Variants in VPS13D observed in about 807,000 individuals in gnomAD.
VPS13D encodes intermembrane lipid transfer protein VPS13D.
VPS13D carries 187 observed loss-of-function variants against 461.9 expected under a neutral mutation model. That is an observed-to-expected ratio of 0.40 (90% CI 0.36 to 0.46). VPS13D has a LOEUF of 0.46. Among genes scored for constraint, VPS13D ranks in the 20% least tolerant of loss-of-function variants. The pLI is 0.60. For synonymous variants in VPS13D, 1,951 were observed against 1,986.3 expected (o/e 0.98, Z 0.47); for missense variants, 4,711 against 5,364.9 (o/e 0.88, Z 3.81).
At chr1:12,414,037 A>G (rs528815414) in intron 63 of VPS13D, among the ~76,000 whole-genome samples, 1 of 152,336 alleles carries the variant, frequency 6.6e-6, no homozygotes, top group Admixed American at 6.5e-5. Flanking sequence ...TAATCGCAGC[A>G]CTTTGGGATG....
At chr1:12,345,605 C>T in intron 43 of VPS13D, 96 bp downstream of exon 43, 1 of 1,481,200 alleles carries the variant, frequency 6.8e-7, no homozygotes, top group Non-Finnish European at 9.1e-7. Flanking sequence ...CTTTCTTGTT[C>T]TTTCTTTCCC....
At chr1:12,474,285 G>A (rs928606298) in intron 67 of VPS13D, among the ~76,000 whole-genome samples, 5 of 152,096 alleles carry the variant, frequency 3.3e-5, no homozygotes, top group African/African-American at 1.2e-4. Context: ...AAAGCATTAC[G>A]TGGTTTGGAA....
At chr1:12,371,737 C>T (rs1435489470) in intron 54 of VPS13D, among the ~76,000 whole-genome samples, 1 of 152,058 alleles carries the variant, frequency 6.6e-6, no homozygotes. Context: ...TGGCTGAATA[C>T]TATGCTGTAT....
chr1:12,375,746 C>T (rs1238500060), intron 55 of VPS13D, among the ~76,000 whole-genome samples: 1 of 152,220 alleles, frequency 6.6e-6, no homozygotes, highest in Non-Finnish European at 1.5e-5. Flanking sequence ...CCTCCCCAAC[C>T]TCCCAACTTG....
chr1:12,233,575 A>G (rs1436267062), intron 1 of VPS13D, among the ~76,000 whole-genome samples: 1 of 152,228 alleles, frequency 6.6e-6, no homozygotes, highest in Admixed American at 6.5e-5. Flanking sequence ...TCCCAAGGTA[A>G]ATCAACATAA....
At chr1:12,318,529 A>C (rs1440868650) in intron 31 of VPS13D, among the ~76,000 whole-genome samples, 192 bp downstream of exon 31, 1 of 151,988 alleles carries the variant, frequency 6.6e-6, no homozygotes, top group Non-Finnish European at 1.5e-5. Context: ...CCCACTGAAG[A>C]CTGCGGGGTC....
At chr1:12,255,154 C>A (rs886444216) in intron 7 of VPS13D, among the ~76,000 whole-genome samples, 1 of 152,096 alleles carries the variant, frequency 6.6e-6, no homozygotes, top group African/African-American at 2.4e-5. Flanking sequence ...CCATGTTGGC[C>A]AGGCTGGTCT....
At chr1:12,455,463 GA>G (rs1010967611) in intron 65 of VPS13D, among the ~76,000 whole-genome samples, 8 of 152,258 alleles carry the variant, frequency 5.3e-5, no homozygotes, top group African/African-American at 1.9e-4. Flanking sequence ...TAGTATTCTG[GA>G]AAGTGAATGT....
At position 12,349,521 on chromosome 1, in the gene VPS13D, A is replaced by G. The variant is rs575549750; in HGVS notation, c.9431+147A>G. The G allele has an allele frequency of 4.7e-5, 42 of 895,820 alleles. 1 individual carries two copies. Among genetic ancestry groups the G allele is most frequent in the Non-Finnish European group, 6.6e-5 (40 of 604,634 alleles). 55.5% of individuals were successfully genotyped at this position (895,820 alleles called of 1,614,324 possible). On this transcript the variant is annotated intron_variant, in intron 46 of 69. Coordinates refer to ENST00000620676, the MANE Select transcript of VPS13D (RefSeq NM_015378.4). ...TTCTTATTCCTTGAGTTTTAGTTAGAGTTCATGAGAACTCAAGTGCTAACG... is the reference window on the plus strand; with the variant it reads ...TTCTTATTCCTTGAGTTTTAGTTAGGGTTCATGAGAACTCAAGTGCTAACG...
At chr1:12,413,664 G>T (rs528004183) in intron 63 of VPS13D, among the ~76,000 whole-genome samples, 2 of 152,216 alleles carry the variant, frequency 1.3e-5, no homozygotes, top group East Asian at 1.9e-4. Context: ...TAGAGACAAG[G>T]TCTTACTTCT....
At chr1:12,232,322 C>T (rs1640005406) in intron 1 of VPS13D, among the ~76,000 whole-genome samples, 1 of 152,146 alleles carries the variant, frequency 6.6e-6, no homozygotes, top group Non-Finnish European at 1.5e-5. Flanking sequence ...CTTGTGGAGG[C>T]CTTGTGCTTC....
At chr1:12,355,841 TG>T in intron 47 of VPS13D, 57 bp from the exon 48 acceptor site, 1 of 1,435,134 alleles carries the variant, frequency 7.0e-7, no homozygotes, top group Non-Finnish European at 9.2e-7. Context: ...ACTTTTGCTG[TG>T]AGCTATTTTG....
intron 65 of VPS13D, among the ~76,000 whole-genome samples, chr1:12,417,973 C>A (rs1281666927): frequency 6.6e-6 from 1 of 152,054 alleles, no homozygotes; most frequent in African/African-American, 2.4e-5. Context: ...ATGGTGTGAT[C>A]TCTGCTCACT....
At chr1:12,487,915 A>G (rs1645822548) in intron 67 of VPS13D, among the ~76,000 whole-genome samples, 1 of 152,244 alleles carries the variant, frequency 6.6e-6, no homozygotes, top group African/African-American at 2.4e-5. Flanking sequence ...CTAAAACTTC[A>G]TTAATTTCAA....
At chr1:12,321,037 T>G (rs1457863234) in intron 32 of VPS13D, among the ~76,000 whole-genome samples, 2 of 152,164 alleles carry the variant, frequency 1.3e-5, no homozygotes, top group African/African-American at 4.8e-5. Context: ...ACCCAAATGA[T>G]TGGTCTTTTC....
At chr1:12,412,001 G>A (rs913988173) in intron 63 of VPS13D, among the ~76,000 whole-genome samples, 33 of 152,172 alleles carry the variant, frequency 2.2e-4, no homozygotes, top group African/African-American at 7.2e-4. Context: ...CACAAGGCTA[G>A]TGAAGATTCA....
intron 65 of VPS13D, among the ~76,000 whole-genome samples, chr1:12,427,204 G>C (rs1644933860): frequency 6.7e-6 from 1 of 149,718 alleles, no homozygotes; most frequent in Non-Finnish European, 1.5e-5. Flanking sequence ...CTTTCTATAA[G>C]CCTAAAACTA....
intron 26 of VPS13D, among the ~76,000 whole-genome samples, chr1:12,307,961 G>A (rs527898831): frequency 2.4e-4 from 36 of 152,292 alleles, no homozygotes; most frequent in Admixed American, 4.6e-4. Context: ...TTTTGGTCTA[G>A]GCAAGAATGA....
chr1:12,453,301 T>C (rs538078366), intron 65 of VPS13D, among the ~76,000 whole-genome samples: 10 of 152,248 alleles, frequency 6.6e-5, no homozygotes, highest in African/African-American at 2.2e-4. Flanking sequence ...GATTTTTAAC[T>C]TCCTCCTAGT....
Sources: gnomAD v4.1 joint callset for allele counts (sites outside exome capture counted in the v4.1 genomes callset) on GRCh38, gnomAD v4.1.1 for gene constraint, MANE v1.5 for transcripts, NCBI Gene and HGNC (gene_info 2026-07-23, HGNC 2026-07-21) for gene names.